Variants in GAB2 observed in about 807,000 individuals in gnomAD.
GAB2 encodes GRB2-associated-binding protein 2.
In GAB2, 26 loss-of-function variants were observed where a neutral mutation model predicts 65.5. The ratio of observed to expected loss-of-function variants is 0.40; its 90% CI spans 0.29 to 0.55. GAB2 has a LOEUF of 0.55. Among genes scored for constraint, GAB2 ranks in the 20% least tolerant of loss-of-function variants. The probability of loss-of-function intolerance (pLI) is 0.53; values close to 1 mark genes in which losing one functional copy is unlikely to be tolerated. For synonymous variants in GAB2, 321 were observed against 329.6 expected (o/e 0.97, Z 0.28); for missense variants, 884 against 875.8 (o/e 1.01, Z -0.12).
At chr11:78,347,103 T>C (rs1465333598) in intron 1 of GAB2, among the ~76,000 whole-genome samples, 6 of 152,164 alleles carry the variant, frequency 3.9e-5, no homozygotes, top group Non-Finnish European at 8.8e-5. Context: ...AATTTAATCT[T>C]TCTGATGGAC....
chr11:78,240,922 A>G (rs1350255478), intron 3 of GAB2, among the ~76,000 whole-genome samples: 1 of 152,192 alleles, frequency 6.6e-6, no homozygotes, highest in Non-Finnish European at 1.5e-5. Context: ...CCCAGCTGCC[A>G]CAATAGGTTC....
intron 1 of GAB2, among the ~76,000 whole-genome samples, chr11:78,382,135 T>A (rs773821484): frequency 2.0e-5 from 3 of 152,224 alleles, no homozygotes; most frequent in Admixed American, 6.5e-5. Flanking sequence ...TGAAGCCTTC[T>A]CTGAATATTC....
intron 9 of GAB2, among the ~76,000 whole-genome samples, chr11:78,219,787 C>A (rs1356026476): frequency 6.6e-6 from 1 of 152,186 alleles, no homozygotes; most frequent in Non-Finnish European, 1.5e-5. Context: ...CAAACATCAG[C>A]CACAGGACTT....
intron 3 of GAB2, among the ~76,000 whole-genome samples, chr11:78,228,542 A>T (rs1290762300): frequency 1.3e-5 from 2 of 152,108 alleles, no homozygotes; most frequent in Non-Finnish European, 2.9e-5. Context: ...GCTCCTGAGG[A>T]GTTTGTTATT....
At chr11:78,392,737 T>G (rs1054556168) in intron 1 of GAB2, among the ~76,000 whole-genome samples, 2 of 152,212 alleles carry the variant, frequency 1.3e-5, no homozygotes, top group Non-Finnish European at 1.5e-5. Flanking sequence ...TCGACATTCA[T>G]GAGCTCACAT....
chr11:78,395,105 G>C (rs1019670282), intron 1 of GAB2, among the ~76,000 whole-genome samples: 1 of 152,204 alleles, frequency 6.6e-6, no homozygotes, highest in Non-Finnish European at 1.5e-5. Context: ...GAGAGAGACT[G>C]TATCTCCTCC....
intron 1 of GAB2, among the ~76,000 whole-genome samples, chr11:78,374,153 C>T (rs191440769): frequency 1.3e-5 from 2 of 152,172 alleles, no homozygotes; most frequent in African/African-American, 2.4e-5. Flanking sequence ...AACAGCTTGA[C>T]TGAAAAAGTC....
rs570504527 is a variant in GAB2, at chr11:78,336,503, T to C, written c.76-55602A>G. Among the ~76,000 whole-genome samples, 134 of 144,868 alleles carry C rather than the reference T, an allele frequency of 9.2e-4. 1 individual carries two copies. Among genetic ancestry groups the C allele is most frequent in the African/African-American group, 3.3e-3 (130 of 39,520 alleles). On this transcript the variant is annotated intron_variant, in intron 1 of 9. Coordinates refer to ENST00000361507, the MANE Select transcript of GAB2 (RefSeq NM_080491.3). ...TTGTTTTTTTTTTTTTTTGGTGAAG[T>C]CTTTAGGTTTTTCCAAATATGAGAT...
At chr11:78,231,336 G>GTGGTGT (rs1554975133) in intron 3 of GAB2, among the ~76,000 whole-genome samples, 1,859 of 145,870 alleles carry the variant, frequency 0.013, 38 homozygotes, top group African/African-American at 0.045. Context: ...GCGCGTGTGT[G>GTGGTGT]GTGTGTGTGT....
chr11:78,401,126 AC>A (rs1157212344), intron 1 of GAB2, among the ~76,000 whole-genome samples: 1 of 151,670 alleles, frequency 6.6e-6, no homozygotes, highest in Non-Finnish European at 1.5e-5. Context: ...AAAAAAAAAA[AC>A]TGTCATAAAA....
chr11:78,384,396 G>A (rs778767475), intron 1 of GAB2, among the ~76,000 whole-genome samples: 5 of 152,170 alleles, frequency 3.3e-5, no homozygotes, highest in Non-Finnish European at 7.4e-5. Context: ...CAACTGAACC[G>A]CTTGAGGCTA....
At chr11:78,366,026 T>C (rs1256468326) in intron 1 of GAB2, among the ~76,000 whole-genome samples, 1 of 152,234 alleles carries the variant, frequency 6.6e-6, no homozygotes, top group African/African-American at 2.4e-5. Flanking sequence ...CAGCACTCAG[T>C]TGATTTCAAA....
rs537862636 is a variant in GAB2 at position 78,239,058 on chromosome 11, A to G, written c.620+11099T>C. ...CTAATCATTAGGGAAATACAAATCA[A>G]AAGCACAATGAGATACCACATTGCA... On this transcript the variant is annotated intron_variant, in intron 3 of 9. Transcript: ENST00000361507. Among the ~76,000 whole-genome samples, 23 of 152,266 alleles carry G rather than the reference A, an allele frequency of 1.5e-4. No individual in the cohort carries two copies. The East Asian group carries it at 3.9e-3, about 26-fold the overall frequency.
At chr11:78,394,987 C>T (rs75268099) in intron 1 of GAB2, among the ~76,000 whole-genome samples, 2,578 of 152,230 alleles carry the variant, frequency 0.017, 35 homozygotes, top group Non-Finnish European at 0.026. Flanking sequence ...CAAGAGCAGC[C>T]AGTGAAGAGA....
intron 1 of GAB2, among the ~76,000 whole-genome samples, chr11:78,386,677 G>A (rs1856772221): frequency 6.6e-6 from 1 of 152,124 alleles, no homozygotes; most frequent in South Asian, 2.1e-4. Flanking sequence ...TGGCAAGGAG[G>A]GCCCTGTGAC....
intron 1 of GAB2, among the ~76,000 whole-genome samples, chr11:78,313,141 C>T (rs971527504): frequency 2.6e-5 from 4 of 152,056 alleles, no homozygotes; most frequent in Non-Finnish European, 4.4e-5. Context: ...AAGGTTGTCA[C>T]GAGAATCTGA....
In GAB2 at chr11:78,226,323, A is replaced by C. The variant is rs1437257695; in HGVS notation, c.1207+142T>G. On this transcript the variant is annotated intron_variant, in intron 4 of 9. Coordinates refer to ENST00000361507, the MANE Select transcript of GAB2 (RefSeq NM_080491.3). The stretch of plus-strand genomic sequence containing the variant: ...CCAACTGGTAAGGGATCTGGGTAGA[A>C]GACACCTATGTTTTTGAGTATCAGT... The C allele has an allele frequency of 7.3e-6, 5 of 684,324 alleles. No individual in the cohort carries two copies. In the East Asian group the frequency reaches 1.3e-4, roughly 18 times the overall value. The allele number at this position is 684,324 out of a possible 1,614,324, so 42.4% of individuals were successfully genotyped here.
chr11:78,358,171 C>G lies in GAB2; in HGVS notation c.75+59475G>C, dbSNP rs536798793. On this transcript the variant is annotated intron_variant, in intron 1 of 9. Coordinates refer to ENST00000361507, the MANE Select transcript of GAB2 (RefSeq NM_080491.3). ...GGACATGGATGAAGCTGGAAACCAT[C>G]ATTCTCAGTCAACTATTGCAGGGAC... is the stretch of plus-strand genomic sequence containing the variant. 3.5e-4 allele frequency among the ~76,000 whole-genome samples: 53 copies of G among 151,768 alleles called. No homozygotes were observed. In the East Asian group the frequency reaches 8.7e-3, roughly 25 times the overall value.
intron 1 of GAB2, among the ~76,000 whole-genome samples, chr11:78,307,143 A>C (rs911682407): frequency 5.3e-5 from 8 of 152,188 alleles, no homozygotes; most frequent in Admixed American, 6.5e-5. Flanking sequence ...ATAACCTTGA[A>C]AAAATTAACT....
Sources: allele counts gnomAD v4.1 joint callset (sites outside exome capture counted in the v4.1 genomes callset), GRCh38; gene constraint gnomAD v4.1.1; transcripts MANE v1.5; gene names NCBI Gene and HGNC (gene_info 2026-07-23, HGNC 2026-07-21).